C2: variants seen among roughly 807,000 people sequenced by gnomAD.
The protein encoded by C2 is complement C2.
Under a neutral mutation model 85.2 loss-of-function variants are expected in C2, and 64 were observed. The ratio of observed to expected loss-of-function variants is 0.75; its 90% CI spans 0.61 to 0.92. The LOEUF (loss-of-function observed/expected upper bound fraction) is 0.92. Ranked by LOEUF, C2 falls within the 40% of genes least tolerant of loss-of-function variation. C2 has a pLI of 0.00. For synonymous variants in C2, 311 were observed against 370.8 expected, an observed-to-expected ratio of 0.84 and a Z score of 1.85; for missense variants, 820 against 971.6, an observed-to-expected ratio of 0.84 and a Z score of 2.07.
Position 31,945,117 on chromosome 6 carries a change from AG to A in C2, c.2080-59del. On this transcript the variant is annotated intron_variant, in intron 17 of 17. Transcript: ENST00000299367. The surrounding 1 kb of genome is among the most constrained non-coding windows in gnomAD (Gnocchi z 5.3). ...AGGGAGGCCTTTGAGGGATCTAGGGAGGTTGGGGCTTACAGTTGGGGCTGTG... is the reference window on the plus strand; with the variant it reads ...AGGGAGGCCTTTGAGGGATCTAGGGAGTTGGGGCTTACAGTTGGGGCTGTG... The A allele has an allele frequency of 3.7e-6, 6 of 1,608,940 alleles. No homozygotes were observed. The highest frequency in any genetic ancestry group is 5.1e-6 in the Non-Finnish European group (6 of 1,176,612).
At position 31,933,908 on chromosome 6, in the gene C2, C is replaced by A; in HGVS notation, c.658C>A (p.Leu220Met). 6.2e-7 allele frequency: 1 copy of A among 1,614,204 alleles called. No homozygotes were observed. The highest frequency in any genetic ancestry group is 8.5e-7 in the Non-Finnish European group (1 of 1,180,032). ...YDFPEDVAPA[L>M]GTSFSHMLGA... ...CTTCCCTGAGGACGTGGCCCCTGCC[C>A]TGGGCACTTCCTTCTCCCACATGCT... Residue 220 changes from leucine (L) to methionine (M), a missense_variant, in exon 5 of 18, where the codon CTG (leucine) becomes ATG (methionine). Leu to Met is a conservative substitution (Grantham distance 15). Transcript: ENST00000299367.
chr6:31,925,861 G>T (rs1267833333), upstream of C2, among the ~76,000 whole-genome samples: 3 of 152,104 alleles, frequency 2.0e-5, no homozygotes, highest in Admixed American at 1.3e-4. Context: ...TTTCTCTCTT[G>T]TAACAATCTA....
chr6:31,900,677 A>G, upstream of C2: 1 of 1,612,176 alleles, frequency 6.2e-7, no homozygotes, highest in East Asian at 2.2e-5. The surrounding 1 kb of genome is among the most constrained non-coding windows in gnomAD (Gnocchi z 9.7). Flanking sequence ...CACCTTGACG[A>G]TGCAGATGTC....
upstream of C2, chr6:31,900,672 T>G (rs778723565): frequency 2.5e-6 from 4 of 1,612,420 alleles, no homozygotes; most frequent in Non-Finnish European, 3.4e-6. The surrounding 1 kb of genome is among the most constrained non-coding windows in gnomAD (Gnocchi z 9.7). Context: ...GACTCCACCT[T>G]GACGATGCAG....
intron 1 of C2, among the ~76,000 whole-genome samples, chr6:31,911,654 T>G (rs1278703899): frequency 2.0e-5 from 3 of 151,706 alleles, no homozygotes; most frequent in Non-Finnish European, 4.4e-5. Context: ...CTCTCTTTTT[T>G]TTTTGAGACA....
Position 31,927,875 on chromosome 6 carries a change from A to C in C2, c.46+77A>C. 3 of 1,588,056 alleles carry C rather than the reference A, an allele frequency of 1.9e-6. No individual in the cohort carries two copies. The highest frequency in any genetic ancestry group is 2.6e-6 in the Non-Finnish European group (3 of 1,156,378). Reference sequence around the variant, plus strand: ...TCCCAGCTTGAATTCCCATGTGTGAAACAGTCTCTTTTGCTTTCCTTTTCT... The same window carrying C: ...TCCCAGCTTGAATTCCCATGTGTGACACAGTCTCTTTTGCTTTCCTTTTCT... On this transcript the variant is annotated intron_variant, in intron 1 of 17. Coordinates refer to ENST00000299367, the MANE Select transcript of C2 (RefSeq NM_000063.6). This position sits in a 1 kb window ranked among gnomAD's most constrained non-coding sequence, Gnocchi z 4.7.
In C2 at chr6:31,943,025, A is replaced by G. The variant is rs745306965; in HGVS notation, c.1286A>G (p.Lys429Arg). 1.9e-6 allele frequency: 3 copies of G among 1,612,974 alleles called. No individual in the cohort carries two copies. The East Asian group carries it at 6.7e-5, about 36-fold the overall frequency. Residue 429 changes from lysine (K) to arginine (R), a missense_variant, in exon 10 of 18, where the codon AAG becomes AGG. Transcript: ENST00000299367. This position sits in a 1 kb window ranked among gnomAD's most constrained non-coding sequence, Gnocchi z 6.4. The stretch of plus-strand genomic sequence containing the variant: ...AGAGAACTGAATGAGCTAGGGTCCA[A>G]GAAGGATGGTGAGAGGCATGCCTTC... The part of the protein sequence containing the change: ...DWRELNELGS[K>R]KDGERHAFIL...
At chr6:31,924,830 A>T (rs1322440498), upstream of C2, among the ~76,000 whole-genome samples, 1 of 152,180 alleles carries the variant, frequency 6.6e-6, no homozygotes, top group Non-Finnish European at 1.5e-5. Context: ...TCCTATTCTG[A>T]TGTGCCTGCC....
At chr6:31,939,470 C>T (rs1323434766) in intron 9 of C2, 150 bp downstream of exon 9, 10 of 659,492 alleles carry the variant, frequency 1.5e-5, no homozygotes, top group Non-Finnish European at 2.1e-5. Flanking sequence ...TGTTGAAGAG[C>T]CTGGGGTCAA....
At chr6:31,899,859 T>C, upstream of C2, 5 of 1,229,458 alleles carry the variant, frequency 4.1e-6, no homozygotes, top group South Asian at 5.6e-5. Context: ...CCAATTCTCC[T>C]GGGCCAAAGA....
At chr6:31,913,469 G>A (rs953434762) in intron 1 of C2, among the ~76,000 whole-genome samples, 9 of 152,080 alleles carry the variant, frequency 5.9e-5, no homozygotes, top group African/African-American at 2.2e-4. Context: ...CCAGCTAGTT[G>A]GGAGGCTGAG....
upstream of C2, among the ~76,000 whole-genome samples, chr6:31,919,281 G>A (rs1313995): frequency 0.071 from 10,742 of 151,780 alleles, 391 homozygotes; most frequent in African/African-American, 0.1. Flanking sequence ...AGTAGGTGGG[G>A]TGACAAGTGC....
upstream of C2, chr6:31,900,174 T>C: frequency 1.2e-6 from 2 of 1,614,210 alleles, no homozygotes; most frequent in Non-Finnish European, 1.7e-6. The surrounding 1 kb of genome is among the most constrained non-coding windows in gnomAD (Gnocchi z 9.7). Flanking sequence ...TGCACGTTCA[T>C]GTGGCGGTTG....
At chr6:31,901,647 T>A (rs1208467808) in intron 1 of C2, among the ~76,000 whole-genome samples, 1 of 151,440 alleles carries the variant, frequency 6.6e-6, no homozygotes. Flanking sequence ...GTGGCCCCGG[T>A]TGCAGGCTCT....
intron 1 of C2, among the ~76,000 whole-genome samples, chr6:31,903,941 T>G (rs1437415571): frequency 6.6e-6 from 1 of 151,940 alleles, no homozygotes; most frequent in Non-Finnish European, 1.5e-5. Context: ...AACACCTGAT[T>G]TTGTGTCAGA....
rs144295280 is a variant in C2 at position 31,940,528 on chromosome 6, A to C, written c.1219+1208A>C. Among the ~76,000 whole-genome samples, 174 of 152,254 alleles carry C rather than the reference A, an allele frequency of 1.1e-3. 2 individuals are homozygous for C. The highest frequency in any genetic ancestry group is 7.9e-3 in the Admixed American group (121 of 15,288). ...TCAGAAAGTAATTTCAGAGAGAGAG[A>C]TGCTCAGACAGGGAGGGCAGCTGGT... On this transcript the variant is annotated intron_variant, in intron 9 of 17. Coordinates refer to ENST00000299367, the MANE Select transcript of C2 (RefSeq NM_000063.6).
At chr6:31,926,373 C>T (rs1271189948), upstream of C2, among the ~76,000 whole-genome samples, 1 of 151,186 alleles carries the variant, frequency 6.6e-6, no homozygotes. Context: ...GCTCTTGTCA[C>T]CCAGGCTGGA....
intron 2 of C2, 45 bp downstream of exon 2, chr6:31,928,209 C>T (rs1769425371): frequency 1.9e-6 from 3 of 1,548,556 alleles, no homozygotes; most frequent in Non-Finnish European, 2.6e-6. Context: ...CACCAGGGGC[C>T]ACCCCAGAAC....
At chr6:31,900,761 A>T, upstream of C2, 2 of 1,585,978 alleles carry the variant, frequency 1.3e-6, no homozygotes, top group Non-Finnish European at 1.7e-6. The surrounding 1 kb of genome is among the most constrained non-coding windows in gnomAD (Gnocchi z 9.7). Flanking sequence ...TGGGAACTCC[A>T]GCTTCACTGG....
Sources: allele counts gnomAD v4.1 joint callset (sites outside exome capture counted in the v4.1 genomes callset), GRCh38; gene constraint gnomAD v4.1.1; non-coding constraint Gnocchi (gnomAD v3.1); transcripts MANE v1.5; gene names NCBI Gene and HGNC (gene_info 2026-07-23, HGNC 2026-07-21).